PRAM1: variants seen among roughly 807,000 people sequenced by gnomAD.
The protein encoded by PRAM1 is PML-RARA regulated adaptor molecule 1.
Under a neutral mutation model 55.3 loss-of-function variants are expected in PRAM1, and 41 were observed. The ratio of observed to expected loss-of-function variants is 0.74; its 90% CI spans 0.58 to 0.96. The LOEUF (loss-of-function observed/expected upper bound fraction) is 0.96, where lower values mean the gene tolerates loss of function less well. PRAM1 is among the 40% of genes least tolerant of loss of function. The probability of loss-of-function intolerance (pLI) is 0.00; values close to 1 mark genes in which losing one functional copy is unlikely to be tolerated. For missense variants in PRAM1, 898 were observed against 892.7 expected, an observed-to-expected ratio of 1.01 and a Z score of -0.08; for synonymous variants, 401 against 387.1, an observed-to-expected ratio of 1.04 and a Z score of -0.42.
intron 4 of PRAM1, among the ~76,000 whole-genome samples, chr19:8,492,204 G>A (rs1347230373): frequency 6.7e-6 from 1 of 150,172 alleles, no homozygotes; most frequent in South Asian, 2.1e-4. Context: ...CAAAGTGCTG[G>A]GATTATAGGC....
rs1212587204 is a variant in PRAM1, at chr19:8,499,358, C to T, written c.450G>A (p.Glu150=). The T allele has an allele frequency of 1.9e-6, 3 of 1,612,284 alleles. No homozygotes were observed. Among genetic ancestry groups the T allele is most frequent in the Admixed American group, 1.7e-5 (1 of 59,878 alleles). ...PRKPLQPEVG[E]APLKASLPEP... The stretch of plus-strand genomic sequence containing the variant: ...CCGGCAGCGAGGCCTTCAAAGGGGC[C>T]TCACCGACCTCAGGCTGCAGGGGCT... The change falls in exon 2 of 10, where the codon GAG becomes GAA. Residue 150 remains glutamate (E), a synonymous_variant. Coordinates refer to ENST00000423345, the MANE Select transcript of PRAM1 (RefSeq NM_032152.5).
chr19:8,490,375 G>C lies in PRAM1; in HGVS notation c.1941-3C>G, dbSNP rs1971596546. On this transcript the variant is annotated splice_polypyrimidine_tract_variant and splice_region_variant and intron_variant, in intron 8 of 9. Transcript: ENST00000423345. The surrounding 1 kb of genome is among the most constrained non-coding windows in gnomAD (Gnocchi z 7.3). ...CATCATCGTACACCTCCGTCTCCCT[G>C]GCAGAGCACAGTTGGGTCAGCAAGG... The C allele has an allele frequency of 1.2e-6, 2 of 1,613,850 alleles. No individual in the cohort carries two copies. Among genetic ancestry groups the C allele is most frequent in the African/African-American group, 2.7e-5 (2 of 74,904 alleles).
intron 4 of PRAM1, among the ~76,000 whole-genome samples, 191 bp downstream of exon 4, chr19:8,497,573 G>A (rs1189439543): frequency 6.6e-6 from 1 of 152,130 alleles, no homozygotes; most frequent in Non-Finnish European, 1.5e-5. Flanking sequence ...ATCTCCTGCT[G>A]CCAACCTGGG....
chr19:8,495,585 G>C (rs1254010468), intron 4 of PRAM1, among the ~76,000 whole-genome samples: 1 of 152,212 alleles, frequency 6.6e-6, no homozygotes, highest in African/African-American at 2.4e-5. Flanking sequence ...TTACTGCCCT[G>C]TGGGGATTTG....
At chr19:8,500,567 T>G (rs945046640) in intron 1 of PRAM1, among the ~76,000 whole-genome samples, 6 of 151,946 alleles carry the variant, frequency 3.9e-5, no homozygotes, top group African/African-American at 1.5e-4. Flanking sequence ...AAATGCCTCA[T>G]AAAAGCCTGG....
At chr19:8,492,823 C>T (rs1410521977) in intron 4 of PRAM1, among the ~76,000 whole-genome samples, 1 of 151,850 alleles carries the variant, frequency 6.6e-6, no homozygotes, top group Non-Finnish European at 1.5e-5. Context: ...ATGGTGAAAC[C>T]CTGTCTCTAC....
In PRAM1 at chr19:8,490,873, C is replaced by T; in HGVS notation, c.1743+14G>A. The T allele has an allele frequency of 6.2e-7, 1 of 1,612,284 alleles. No individual in the cohort carries two copies. Among genetic ancestry groups the T allele is most frequent in the Non-Finnish European group, 8.5e-7 (1 of 1,179,444 alleles). On this transcript the variant is annotated intron_variant, in intron 6 of 9. Coordinates refer to ENST00000423345, the MANE Select transcript of PRAM1 (RefSeq NM_032152.5). This position sits in a 1 kb window ranked among gnomAD's most constrained non-coding sequence, Gnocchi z 7.3. Reference sequence around the variant, plus strand: ...CCGCCCTGCCAGGACTCCTGCTTAGCTCAGAGGCCTCACCTTGAACTTCTT... The same window carrying T: ...CCGCCCTGCCAGGACTCCTGCTTAGTTCAGAGGCCTCACCTTGAACTTCTT...
chr19:8,494,636 C>T (rs542627735), intron 4 of PRAM1, among the ~76,000 whole-genome samples: 7 of 141,806 alleles, frequency 4.9e-5, no homozygotes, highest in South Asian at 2.2e-4. Flanking sequence ...ATTTTTTTTT[C>T]TTTTTTTTTT....
chr19:8,491,228 T>G, intron 4 of PRAM1, 71 bp from the exon 5 acceptor site: 2 of 1,468,040 alleles, frequency 1.4e-6, no homozygotes, highest in Admixed American at 3.9e-5. Context: ...AGCTGTTTTT[T>G]GTTTGTTTTT....
rs1568317074 is a variant in PRAM1, at chr19:8,498,851, C to T, written c.957G>A (p.Lys319=). ...CGCCCAGCTCGGGCTGCGGGGGCTT[C>T]TTGGAGAGCGCTTTGAATTCGGCCG... ...PRPAEFKALS[K]KPPQPELGGL... The change falls in exon 2 of 10, where the codon AAG becomes AAA. Residue 319 remains lysine (K), a synonymous_variant. Coordinates refer to ENST00000423345, the MANE Select transcript of PRAM1 (RefSeq NM_032152.5). 6.2e-7 allele frequency: 1 copy of T among 1,608,318 alleles called. No individual in the cohort carries two copies. The highest frequency in any genetic ancestry group is 1.3e-5 in the African/African-American group (1 of 74,774).
At chr19:8,501,507 AT>A (rs773534887) in intron 1 of PRAM1, among the ~76,000 whole-genome samples, 146 of 102,840 alleles carry the variant, frequency 1.4e-3, no homozygotes, top group African/African-American at 2.6e-3. Context: ...ATGTGTCTTG[AT>A]TTTTTTTTTT....
intron 4 of PRAM1, among the ~76,000 whole-genome samples, chr19:8,495,163 G>C (rs1172264483): frequency 2.0e-5 from 3 of 151,528 alleles, no homozygotes; most frequent in Admixed American, 6.6e-5. Context: ...CCAATGGCGT[G>C]ATCTTGGCTC....
At chr19:8,496,834 G>A (rs1002819060) in intron 4 of PRAM1, among the ~76,000 whole-genome samples, 55 of 152,076 alleles carry the variant, frequency 3.6e-4, no homozygotes, top group Admixed American at 2.0e-3. Flanking sequence ...TCAGGAGATC[G>A]AGACCACGGT....
rs775099526 is a variant in PRAM1 at position 8,497,771 on chromosome 19, C to G, written c.1569G>C (p.Lys523Asn). ...EPRDDSSPSP[K>N]GRDEAPSVQQ... ...GGCAGGCCACCAACAAACCTCTGCCCTTGGGGCTGGGGCTGGAGTCATCTC... is the reference window on the plus strand; with the variant it reads ...GGCAGGCCACCAACAAACCTCTGCCGTTGGGGCTGGGGCTGGAGTCATCTC... The change falls in exon 4 of 10, where the codon AAG becomes AAC. Residue 523 changes from lysine (K) to asparagine (N), a missense_variant. This residue lies in a region of PRAM1 where 787 missense variants were observed against 735.4 expected (regional missense o/e 1.07). Transcript: ENST00000423345. The G allele has an allele frequency of 9.3e-6, 15 of 1,609,660 alleles. 1 individual carries two copies. The South Asian group carries it at 1.4e-4, about 15-fold the overall frequency.
rs1971611170 is a variant in PRAM1 at position 8,490,758 on chromosome 19, T to C, written c.1744-2A>G. 2.5e-6 allele frequency: 4 copies of C among 1,608,602 alleles called. No individual in the cohort carries two copies. The highest frequency in any genetic ancestry group is 2.7e-5 in the African/African-American group (2 of 74,900). On this transcript the variant is annotated splice_acceptor_variant, in intron 6 of 9. Transcript: ENST00000423345. LOFTEE classifies it high-confidence loss of function. This position sits in a 1 kb window ranked among gnomAD's most constrained non-coding sequence, Gnocchi z 7.3. ...GTGAACCACGATCTCCCCTTCAAACTGGGGCGCGAGATGTTAGGGCCTCTG... is the reference window on the plus strand; with the variant it reads ...GTGAACCACGATCTCCCCTTCAAACCGGGGCGCGAGATGTTAGGGCCTCTG...
Position 8,493,267 on chromosome 19 carries a change from A to G in PRAM1, c.1577-2110T>C, listed in dbSNP as rs1018346007. On this transcript the variant is annotated intron_variant, in intron 4 of 9. Coordinates refer to ENST00000423345, the MANE Select transcript of PRAM1 (RefSeq NM_032152.5). The surrounding 1 kb of genome is among the most constrained non-coding windows in gnomAD (Gnocchi z 4.1). ...AATGGCTCAAAGTATCCCGCCGGAC[A>G]TTTCAGGCCTGTAGTCCCTCCAAGC... Among the ~76,000 whole-genome samples the G allele has an allele frequency of 2.6e-5, 4 of 152,170 alleles. No individual in the cohort carries two copies. Among genetic ancestry groups the G allele is most frequent in the East Asian group, 1.9e-4 (1 of 5,186 alleles).
rs532897414 is a variant in PRAM1, at chr19:8,498,835, C to T, written c.973G>A (p.Glu325Lys). ...GAGGTCCTGGGGAGGCCGCCCAGCTCGGGCTGCGGGGGCTTCTTGGAGAGC... is the reference window on the plus strand; with the variant it reads ...GAGGTCCTGGGGAGGCCGCCCAGCTTGGGCTGCGGGGGCTTCTTGGAGAGC... ...KALSKKPPQP[E>K]LGGLPRTSSE... Residue 325 changes from glutamate to lysine, a missense_variant, in exon 2 of 10, where the codon GAG (glutamate) becomes AAG (lysine). Physicochemically the swap from Glu to Lys is moderately conservative, Grantham distance 56. Around this residue, in one of 4 missense-constraint regions of PRAM1, gnomAD observed 787 missense variants for 735.4 expected, o/e 1.07. Coordinates refer to ENST00000423345, the MANE Select transcript of PRAM1 (RefSeq NM_032152.5). The T allele has an allele frequency of 3.7e-6, 6 of 1,600,516 alleles. No homozygotes were observed. The Admixed American group carries it at 7.0e-5, about 19-fold the overall frequency.
Position 8,490,731 on chromosome 19 carries a change from G to A in PRAM1, c.1769C>T (p.Thr590Met), listed in dbSNP as rs1475078047. 3.7e-6 allele frequency: 6 copies of A among 1,610,822 alleles called. No homozygotes were observed. The highest frequency in any genetic ancestry group is 5.1e-6 in the Non-Finnish European group (6 of 1,179,730). The change falls in exon 7 of 10, where the codon ACG (threonine) becomes ATG (methionine). Residue 590 changes from threonine (T) to methionine (M), a missense_variant. By Grantham distance (81) the Thr-to-Met change is moderately conservative (BLOSUM62 -1). Around this residue, in one of 4 missense-constraint regions of PRAM1, gnomAD observed 787 missense variants for 735.4 expected, o/e 1.07. Transcript: ENST00000423345. This position sits in a 1 kb window ranked among gnomAD's most constrained non-coding sequence, Gnocchi z 7.3. ...AGCGTTGGGGTCGATCATCATCTTC[G>A]TGTGAACCACGATCTCCCCTTCAAA... is the stretch of plus-strand genomic sequence containing the variant. Reference protein sequence around the residue: ...FKFEGEIVVHTKMMIDPNAKT... With the variant: ...FKFEGEIVVHMKMMIDPNAKT...
chr19:8,492,208 T>C (rs1201329528), intron 4 of PRAM1, among the ~76,000 whole-genome samples: 1 of 150,070 alleles, frequency 6.7e-6, no homozygotes, highest in Non-Finnish European at 1.5e-5. Flanking sequence ...GTGCTGGGAT[T>C]ATAGGCGTGA....
Sources: allele counts gnomAD v4.1 joint callset (sites outside exome capture counted in the v4.1 genomes callset), GRCh38; gene constraint gnomAD v4.1.1; regional missense constraint gnomAD v4.1.1; non-coding constraint Gnocchi (gnomAD v3.1); transcripts MANE v1.5; gene names NCBI Gene and HGNC (gene_info 2026-07-23, HGNC 2026-07-21).